Variants in TRDN observed in about 807,000 individuals in gnomAD.
The protein encoded by TRDN is triadin, also known as triadin in skeletal muscle.
TRDN carries 161 observed loss-of-function variants against 149.7 expected under a neutral mutation model. The ratio of observed to expected loss-of-function variants is 1.08; its 90% CI spans 0.95 to 1.23. The LOEUF (loss-of-function observed/expected upper bound fraction) is 1.23, where lower values mean the gene tolerates loss of function less well. Ranked by LOEUF, TRDN falls within the 50% of genes most tolerant of loss-of-function variation. The pLI is 0.00. For synonymous variants in TRDN, 294 were observed against 250.5 expected (o/e 1.17, Z -1.64); for missense variants, 896 against 823.5 (o/e 1.09, Z -1.08).
At chr6:123,354,778 T>G (rs951914857) in intron 20 of TRDN, among the ~76,000 whole-genome samples, 1 of 151,736 alleles carries the variant, frequency 6.6e-6, no homozygotes, top group South Asian at 2.1e-4. Flanking sequence ...TTTGAAGAGA[T>G]AATAGCTAGA....
chr6:123,249,108 G>T (rs952521266), intron 38 of TRDN, among the ~76,000 whole-genome samples: 2 of 151,982 alleles, frequency 1.3e-5, no homozygotes, highest in Non-Finnish European at 2.9e-5. Context: ...CAGATTGAAG[G>T]ACAACCCATT....
At chr6:123,439,739 T>C (rs1774770099) in intron 10 of TRDN, 2 of 152,246 alleles carry the variant, frequency 1.3e-5, no homozygotes, top group Non-Finnish European at 2.9e-5. Flanking sequence ...TGCCCAGGCA[T>C]AGCCACATAG....
At chr6:123,587,638 A>C (rs1298684148) in intron 1 of TRDN, among the ~76,000 whole-genome samples, 1 of 152,278 alleles carries the variant, frequency 6.6e-6, no homozygotes, top group South Asian at 2.1e-4. Context: ...GACCACCAAC[A>C]GGCTTTGTGT....
intron 5 of TRDN, among the ~76,000 whole-genome samples, 152 bp from the exon 6 acceptor site, chr6:123,516,358 T>C (rs1250974453): frequency 6.6e-6 from 1 of 152,122 alleles, no homozygotes; most frequent in Admixed American, 6.6e-5. Context: ...AGGTTTAAAC[T>C]TCAAGATAAT....
chr6:123,617,058 A>G (rs1219793086), intron 1 of TRDN, among the ~76,000 whole-genome samples: 1 of 152,228 alleles, frequency 6.6e-6, no homozygotes, highest in African/African-American at 2.4e-5. Context: ...GATCATATTT[A>G]GCTGACATGA....
chr6:123,284,825 C>G (rs139771192), intron 24 of TRDN, among the ~76,000 whole-genome samples: 35 of 152,170 alleles, frequency 2.3e-4, no homozygotes, highest in African/African-American at 7.0e-4. Flanking sequence ...TTTGAGGATA[C>G]AAAATTAATG....
intron 24 of TRDN, among the ~76,000 whole-genome samples, chr6:123,284,711 G>A (rs1423747401): frequency 6.6e-6 from 1 of 152,060 alleles, no homozygotes; most frequent in Non-Finnish European, 1.5e-5. Flanking sequence ...AATCAGTAAA[G>A]AGGAAGTCAA....
At chr6:123,299,852 A>G (rs1262701034) in intron 24 of TRDN, among the ~76,000 whole-genome samples, 3 of 152,056 alleles carry the variant, frequency 2.0e-5, no homozygotes, top group Admixed American at 1.3e-4. Context: ...GAATAGGTTC[A>G]AATAATGAAA....
intron 2 of TRDN, among the ~76,000 whole-genome samples, chr6:123,562,612 T>G (rs1190426719): frequency 6.6e-6 from 1 of 152,204 alleles, no homozygotes; most frequent in Non-Finnish European, 1.5e-5. Context: ...CAGTTTATGG[T>G]ATTTTGTTAT....
chr6:123,355,648 A>G (rs188810949), intron 20 of TRDN, among the ~76,000 whole-genome samples: 1 of 151,730 alleles, frequency 6.6e-6, no homozygotes, highest in African/African-American at 2.4e-5. Context: ...TAAATAAAAC[A>G]ATAGCAACAA....
intron 11 of TRDN, among the ~76,000 whole-genome samples, chr6:123,438,462 G>A (rs142359997): frequency 6.0e-4 from 92 of 152,114 alleles, no homozygotes; most frequent in African/African-American, 2.2e-3. Context: ...GAGCTATGAG[G>A]TCACCAGAAC....
At chr6:123,606,300 A>G (rs1395794488) in intron 1 of TRDN, among the ~76,000 whole-genome samples, 1 of 152,066 alleles carries the variant, frequency 6.6e-6, no homozygotes, top group Non-Finnish European at 1.5e-5. Context: ...ATATACATAC[A>G]TTTTATATAA....
rs1027672145 is a variant in TRDN at position 123,340,486 on chromosome 6, G to C, written c.1370-2817C>G. On this transcript the variant is annotated intron_variant, in intron 21 of 40. Coordinates refer to ENST00000334268, the MANE Select transcript of TRDN (RefSeq NM_006073.4). Reference sequence around the variant, plus strand: ...AACATAGCTAGAACAAAAAAAGAAAGTGAAATTGGAAAGTGTAAAGGATTC... The same window carrying C: ...AACATAGCTAGAACAAAAAAAGAAACTGAAATTGGAAAGTGTAAAGGATTC... Among the ~76,000 whole-genome samples the C allele has an allele frequency of 3.9e-5, 6 of 152,146 alleles. No individual in the cohort carries two copies. The East Asian group carries it at 1.2e-3, about 29-fold the overall frequency.
chr6:123,553,341 T>A (rs888265255), intron 2 of TRDN, among the ~76,000 whole-genome samples: 2 of 152,112 alleles, frequency 1.3e-5, no homozygotes, highest in Admixed American at 1.3e-4. Flanking sequence ...GCTACCCTTA[T>A]GCTTTCCTTC....
At chr6:123,402,049 A>G (rs925562156) in intron 12 of TRDN, among the ~76,000 whole-genome samples, 1 of 152,108 alleles carries the variant, frequency 6.6e-6, no homozygotes, top group Non-Finnish European at 1.5e-5. Context: ...ATCCTCCTGG[A>G]ATTATGAATC....
intron 4 of TRDN, among the ~76,000 whole-genome samples, chr6:123,546,294 G>C (rs868502865): frequency 2.0e-4 from 31 of 152,196 alleles, no homozygotes; most frequent in African/African-American, 7.0e-4. Context: ...CTTTGCCATA[G>C]TTGAGTTTGA....
At chr6:123,584,978 C>T (rs1489219817) in intron 1 of TRDN, among the ~76,000 whole-genome samples, 3 of 152,012 alleles carry the variant, frequency 2.0e-5, no homozygotes, top group African/African-American at 4.8e-5. Flanking sequence ...AATGGCCATG[C>T]TGTAGCAGGC....
At chr6:123,551,348 C>T (rs796833768) in intron 2 of TRDN, among the ~76,000 whole-genome samples, 5,803 of 144,770 alleles carry the variant, frequency 0.04, 337 homozygotes, top group East Asian at 0.16. Context: ...TAAATACACA[C>T]ACACACACAC....
At chr6:123,423,799 G>A (rs1933897) in intron 12 of TRDN, among the ~76,000 whole-genome samples, 135,216 of 152,134 alleles carry the variant, frequency 0.89, 60,303 homozygotes, top group East Asian at 0.99. Flanking sequence ...TAGCTACCAC[G>A]TCAAGGATGT....
Sources: gnomAD v4.1 joint callset for allele counts (sites outside exome capture counted in the v4.1 genomes callset) on GRCh38, gnomAD v4.1.1 for gene constraint, MANE v1.5 for transcripts, NCBI Gene and HGNC (gene_info 2026-07-23, HGNC 2026-07-21) for gene names.